PRKAR2B: variants seen among roughly 807,000 people sequenced by gnomAD.
PRKAR2B encodes cAMP-dependent protein kinase type II-beta regulatory subunit.
Under a neutral mutation model 49.9 loss-of-function variants are expected in PRKAR2B, and 14 were observed. The ratio of observed to expected loss-of-function variants is 0.28; its 90% CI spans 0.19 to 0.44. The LOEUF is 0.44. PRKAR2B is among the 20% of genes least tolerant of loss of function. PRKAR2B has a pLI of 1.00. For missense variants in PRKAR2B, 393 were observed against 537.9 expected, an observed-to-expected ratio of 0.73 and a Z score of 2.67; for synonymous variants, 196 against 197.7, an observed-to-expected ratio of 0.99 and a Z score of 0.07.
intron 8 of PRKAR2B, among the ~76,000 whole-genome samples, chr7:107,153,590 C>T (rs1796026981): frequency 6.6e-6 from 1 of 152,278 alleles, no homozygotes; most frequent in Non-Finnish European, 1.5e-5. Context: ...TAGAGTTTTG[C>T]ATGATCAGTT....
At chr7:107,143,237 A>G (rs1795821824) in intron 5 of PRKAR2B, among the ~76,000 whole-genome samples, 1 of 152,254 alleles carries the variant, frequency 6.6e-6, no homozygotes, top group Non-Finnish European at 1.5e-5. Flanking sequence ...TTTAATCTGT[A>G]CAGCATTGCT....
At chr7:107,057,438 T>C (rs1315593031) in intron 1 of PRKAR2B, among the ~76,000 whole-genome samples, 1 of 152,148 alleles carries the variant, frequency 6.6e-6, no homozygotes, top group Non-Finnish European at 1.5e-5. Context: ...TCATACTTTT[T>C]AAACCTGGCA....
chr7:107,140,805 T>C, intron 4 of PRKAR2B, 42 bp from the exon 5 acceptor site: 1 of 1,420,050 alleles, frequency 7.0e-7, no homozygotes, highest in Non-Finnish European at 9.7e-7. Flanking sequence ...AAACATGTTC[T>C]AGATAAACAT....
At position 107,045,027 on chromosome 7, in the gene PRKAR2B, G is replaced by T; in HGVS notation, c.120G>T (p.Gln40His). ...CGCTGCAGCACTTCACCCGCCTGCAGCAGGAGAACGAGCGCAAAGGCACCG... is the reference window on the plus strand; with the variant it reads ...CGCTGCAGCACTTCACCCGCCTGCATCAGGAGAACGAGCGCAAAGGCACCG... ...EFALQHFTRL[Q>H]QENERKGTAR... is the part of the protein sequence containing the mutation. Residue 40 changes from glutamine (Q) to histidine (H), a missense_variant, in exon 1 of 11, where the codon CAG (glutamine) becomes CAT (histidine). This residue lies in a region of PRKAR2B where 160 missense variants were observed against 147.6 expected (regional missense o/e 1.08). Coordinates refer to ENST00000265717, the MANE Select transcript of PRKAR2B (RefSeq NM_002736.3). 6.4e-7 allele frequency: 1 copy of T among 1,551,104 alleles called. No homozygotes were observed. Among genetic ancestry groups the T allele is most frequent in the Non-Finnish European group, 8.7e-7 (1 of 1,151,254 alleles).
chr7:107,123,921 T>TA (rs766420066), intron 3 of PRKAR2B, among the ~76,000 whole-genome samples: 19 of 152,346 alleles, frequency 1.2e-4, no homozygotes, highest in Middle Eastern at 3.4e-3. Context: ...AAACTATACT[T>TA]ACTTTAGTCT....
At position 107,045,122 on chromosome 7, in the gene PRKAR2B, A is replaced by G. The variant is rs769341218; in HGVS notation, c.215A>G (p.Lys72Arg). ...GAAAGGGTPSKGVNFAEEPMQ... is the reference protein window; with the variant it reads ...GAAAGGGTPSRGVNFAEEPMQ... ...GCTGCCGGGGGCGGCACCCCCAGCAAGGGGGTCAACTTCGCCGAGGAGCCC... is the reference window on the plus strand; with the variant it reads ...GCTGCCGGGGGCGGCACCCCCAGCAGGGGGGTCAACTTCGCCGAGGAGCCC... The change falls in exon 1 of 11, where the codon AAG becomes AGG. Residue 72 changes from lysine (K) to arginine (R), a missense_variant. By Grantham distance (26) the Lys-to-Arg change is conservative (BLOSUM62 2). Around this residue, in one of 2 missense-constraint regions of PRKAR2B, gnomAD observed 160 missense variants for 147.6 expected, o/e 1.08. Coordinates refer to ENST00000265717, the MANE Select transcript of PRKAR2B (RefSeq NM_002736.3). 1 of 1,523,712 alleles carries G rather than the reference A, an allele frequency of 6.6e-7. No homozygotes were observed. The highest frequency in any genetic ancestry group is 1.2e-5 in the South Asian group (1 of 83,370). The allele number at this position is 1,523,712 out of a possible 1,614,324, so 94.4% of individuals were successfully genotyped here.
intron 2 of PRKAR2B, among the ~76,000 whole-genome samples, chr7:107,080,039 A>T (rs1054723233): frequency 6.6e-6 from 1 of 152,216 alleles, no homozygotes; most frequent in Admixed American, 6.5e-5. Flanking sequence ...TAAGTTGAGG[A>T]TGGGCTCTCA....
rs182816748 is a variant in PRKAR2B, at chr7:107,119,843, G to A, written c.344-2109G>A. On this transcript the variant is annotated intron_variant, in intron 2 of 10. Transcript: ENST00000265717. ...CAATCTGGTTTCATATGTCAGTGAG[G>A]TTCTTTAATGTGAGCCTGCTTCTGC... Among the ~76,000 whole-genome samples, 39 of 152,270 alleles carry A rather than the reference G, an allele frequency of 2.6e-4. 1 individual carries two copies. The highest frequency in any genetic ancestry group is 1.4e-3 in the Admixed American group (22 of 15,280).
chr7:107,118,921 T>G (rs868693836), intron 2 of PRKAR2B, among the ~76,000 whole-genome samples: 3 of 152,284 alleles, frequency 2.0e-5, no homozygotes, highest in Middle Eastern at 6.8e-3. Context: ...AGTGAAACAA[T>G]TGCAACAGGA....
intron 9 of PRKAR2B, 46 bp from the exon 10 acceptor site, chr7:107,157,140 T>G: frequency 1.2e-6 from 2 of 1,606,600 alleles, no homozygotes; most frequent in Non-Finnish European, 1.7e-6. Flanking sequence ...TTAATTTTAT[T>G]TTTCATAAGC....
chr7:107,045,379 C>G (rs1180505284), intron 1 of PRKAR2B, among the ~76,000 whole-genome samples, 165 bp downstream of exon 1: 1 of 152,166 alleles, frequency 6.6e-6, no homozygotes, highest in Non-Finnish European at 1.5e-5. Flanking sequence ...CCATTTCTGT[C>G]TCTCCCACTC....
intron 8 of PRKAR2B, 56 bp downstream of exon 8, chr7:107,153,307 A>G (rs183501931): frequency 1.6e-6 from 2 of 1,280,048 alleles, no homozygotes; most frequent in African/African-American, 3.0e-5. Context: ...AGGTTCCTGT[A>G]GTGGTAGATC....
intron 4 of PRKAR2B, among the ~76,000 whole-genome samples, chr7:107,136,658 C>A (rs1795707127): frequency 6.6e-6 from 1 of 152,318 alleles, no homozygotes; most frequent in South Asian, 2.1e-4. Flanking sequence ...ACTGACAACA[C>A]CAAATGCTGG....
rs1260062261 is a variant in PRKAR2B, at chr7:107,156,877, A to T, written c.919-107A>T. On this transcript the variant is annotated intron_variant, in intron 8 of 10. Transcript: ENST00000265717. Reference sequence around the variant, plus strand: ...CCTTAGGATTTCACTTTTCAGGTGAATATGTGTACTTTGGGGTTGGATCAA... The same window carrying T: ...CCTTAGGATTTCACTTTTCAGGTGATTATGTGTACTTTGGGGTTGGATCAA... 3.3e-6 allele frequency: 3 copies of T among 908,874 alleles called. No individual in the cohort carries two copies. In the African/African-American group the frequency reaches 5.0e-5, roughly 15 times the overall value. The allele number at this position is 908,874 out of a possible 1,614,324, so 56.3% of individuals were successfully genotyped here. A position where few individuals can be genotyped will look rare whatever the true frequency, so the allele number is the denominator to read the frequency against.
intron 4 of PRKAR2B, among the ~76,000 whole-genome samples, chr7:107,129,931 A>G (rs1319164965): frequency 1.3e-5 from 2 of 152,054 alleles, no homozygotes; most frequent in African/African-American, 4.8e-5. Flanking sequence ...CTTGACTGCA[A>G]CCTGTTTTAT....
intron 6 of PRKAR2B, among the ~76,000 whole-genome samples, chr7:107,148,533 A>G (rs1027793981): frequency 1.3e-5 from 2 of 152,214 alleles, no homozygotes; most frequent in African/African-American, 4.8e-5. Context: ...AGTTTGTGAT[A>G]ATCCTCCTGA....
At chr7:107,100,203 C>T (rs904325116) in intron 2 of PRKAR2B, among the ~76,000 whole-genome samples, 1 of 152,030 alleles carries the variant, frequency 6.6e-6, no homozygotes, top group South Asian at 2.1e-4. Context: ...GCAAATACTC[C>T]TAGTCAGTGT....
intron 5 of PRKAR2B, among the ~76,000 whole-genome samples, chr7:107,145,372 G>A (rs1336386439): frequency 6.6e-6 from 1 of 152,202 alleles, no homozygotes; most frequent in Non-Finnish European, 1.5e-5. Context: ...AGTAAGTTTT[G>A]TAGAGTAGTG....
chr7:107,082,698 A>G (rs756777267), intron 2 of PRKAR2B, among the ~76,000 whole-genome samples: 3 of 152,090 alleles, frequency 2.0e-5, no homozygotes, highest in Non-Finnish European at 4.4e-5. Flanking sequence ...GGCTCGAGTG[A>G]TCCTCCCTCT....
Sources: allele counts gnomAD v4.1 joint callset (sites outside exome capture counted in the v4.1 genomes callset), GRCh38; gene constraint gnomAD v4.1.1; regional missense constraint gnomAD v4.1.1; transcripts MANE v1.5; gene names NCBI Gene and HGNC (gene_info 2026-07-23, HGNC 2026-07-21).